MKLN1: variants seen among roughly 807,000 people sequenced by gnomAD.
MKLN1 encodes muskelin.
In MKLN1, 18 loss-of-function variants were observed where a neutral mutation model predicts 99.0. That is an observed-to-expected ratio of 0.18 (90% CI 0.13 to 0.27). MKLN1 has a LOEUF of 0.27. Ranked by LOEUF, MKLN1 falls within the 10% of genes least tolerant of loss-of-function variation. The probability of loss-of-function intolerance (pLI) is 1.00; values close to 1 mark genes in which losing one functional copy is unlikely to be tolerated. For missense variants in MKLN1, 621 were observed against 875.9 expected, an observed-to-expected ratio of 0.71 and a Z score of 3.67; for synonymous variants, 288 against 293.2, an observed-to-expected ratio of 0.98 and a Z score of 0.18.
intron 1 of MKLN1, among the ~76,000 whole-genome samples, chr7:131,118,619 G>A (rs540926133): frequency 6.6e-6 from 1 of 152,192 alleles, no homozygotes; most frequent in South Asian, 2.1e-4. Context: ...TAAGAAAATA[G>A]GTTTAATTGG....
intron 3 of MKLN1, among the ~76,000 whole-genome samples, chr7:131,271,998 A>T (rs1320879744): frequency 2.0e-5 from 3 of 151,950 alleles, no homozygotes; most frequent in Admixed American, 6.6e-5. Context: ...TTCCCCGTAC[A>T]TCTCCATGGG....
At chr7:131,287,752 C>T (rs1798154298) in intron 3 of MKLN1, among the ~76,000 whole-genome samples, 1 of 151,934 alleles carries the variant, frequency 6.6e-6, no homozygotes, top group South Asian at 2.1e-4. Flanking sequence ...AATTTTAATC[C>T]CCATAATCCC....
intron 3 of MKLN1, among the ~76,000 whole-genome samples, chr7:131,223,861 G>C (rs1002432371): frequency 6.6e-6 from 1 of 152,052 alleles, no homozygotes; most frequent in Admixed American, 6.5e-5. Context: ...CCGCCTCCTG[G>C]GTTCAAGCGA....
intron 3 of MKLN1, among the ~76,000 whole-genome samples, chr7:131,267,513 C>T (rs968527536): frequency 1.2e-4 from 18 of 152,106 alleles, no homozygotes; most frequent in African/African-American, 4.3e-4. Flanking sequence ...TTACAATGAA[C>T]AGCCAGAAGC....
At chr7:131,146,690 A>G (rs2116274070) in intron 2 of MKLN1, among the ~76,000 whole-genome samples, 1 of 152,358 alleles carries the variant, frequency 6.6e-6, no homozygotes, top group South Asian at 2.1e-4. Context: ...TGCCTGAAGA[A>G]AAGCACATTT....
chr7:131,256,256 A>G (rs937910559), intron 3 of MKLN1, among the ~76,000 whole-genome samples: 1 of 152,196 alleles, frequency 6.6e-6, no homozygotes, highest in African/African-American at 2.4e-5. Context: ...CACAGGTGAA[A>G]GAAAGGCATT....
chr7:131,155,676 CTG>C (rs2116297872), intron 2 of MKLN1, among the ~76,000 whole-genome samples: 1 of 152,298 alleles, frequency 6.6e-6, no homozygotes, highest in Non-Finnish European at 1.5e-5. Flanking sequence ...AAATCATAGA[CTG>C]TTACAGCTAG....
intron 2 of MKLN1, among the ~76,000 whole-genome samples, chr7:131,202,565 T>C (rs1006082993): frequency 3.9e-5 from 6 of 152,256 alleles, no homozygotes; most frequent in Non-Finnish European, 5.9e-5. Context: ...TTAGACCAGA[T>C]CATTCTTTGT....
intron 1 of MKLN1, among the ~76,000 whole-genome samples, chr7:131,362,377 G>T (rs1418394316): frequency 2.0e-5 from 3 of 151,818 alleles, no homozygotes; most frequent in Admixed American, 6.6e-5. Context: ...CTGTTGTAAG[G>T]TTTTTTTGAC....
At chr7:131,473,365 A>AT (rs918528403) in intron 16 of MKLN1, among the ~76,000 whole-genome samples, 9 of 149,986 alleles carry the variant, frequency 6.0e-5, no homozygotes, top group Admixed American at 2.7e-4. Flanking sequence ...TGTTTTTTAG[A>AT]TTTTTTTTTT....
intron 3 of MKLN1, among the ~76,000 whole-genome samples, chr7:131,258,301 G>A (rs528464536): frequency 6.6e-6 from 1 of 152,290 alleles, no homozygotes; most frequent in Admixed American, 6.5e-5. Context: ...GTAGAGAAAA[G>A]AGTAGATGTT....
intron 2 of MKLN1, among the ~76,000 whole-genome samples, chr7:131,376,774 C>T (rs1453698082): frequency 2.0e-5 from 3 of 151,524 alleles, no homozygotes; most frequent in Non-Finnish European, 1.5e-5. Flanking sequence ...CCTTTGAGCC[C>T]CCTCTTATAT....
intron 8 of MKLN1, among the ~76,000 whole-genome samples, chr7:131,421,670 A>G (rs1052010237): frequency 1.3e-5 from 2 of 150,626 alleles, no homozygotes; most frequent in African/African-American, 5.0e-5. Flanking sequence ...GCAGTGATTA[A>G]TTATGCTGAG....
At chr7:131,432,984 A>G (rs538833236) in intron 9 of MKLN1, among the ~76,000 whole-genome samples, 2 of 152,298 alleles carry the variant, frequency 1.3e-5, no homozygotes, top group South Asian at 2.1e-4. Flanking sequence ...CCCAGACCAC[A>G]CTGAGAACTG....
At chr7:131,212,688 C>A (rs1005143305) in intron 3 of MKLN1, among the ~76,000 whole-genome samples, 1 of 152,124 alleles carries the variant, frequency 6.6e-6, no homozygotes, top group African/African-American at 2.4e-5. Context: ...CTTTGGGAGG[C>A]CGAGGAGGGT....
chr7:131,229,028 C>T (rs1283031886), intron 3 of MKLN1, among the ~76,000 whole-genome samples: 2 of 152,082 alleles, frequency 1.3e-5, no homozygotes, highest in African/African-American at 2.4e-5. Flanking sequence ...TTTGGAGAGG[C>T]AGGGGTTACA....
At chr7:131,397,150 G>A (rs1794384552) in intron 4 of MKLN1, 117 bp from the exon 5 acceptor site, 1 of 646,732 alleles carries the variant, frequency 1.5e-6, no homozygotes, top group African/African-American at 1.8e-5. Flanking sequence ...TATAAAAGAT[G>A]CCCAGAAAAT....
At chr7:131,462,010 A>G (rs906939289) in intron 12 of MKLN1, among the ~76,000 whole-genome samples, 1 of 152,174 alleles carries the variant, frequency 6.6e-6, no homozygotes. Context: ...AAAATGGCAT[A>G]TTATACCCCA....
chr7:131,332,433 AAAAT>A (rs1279618220), intron 1 of MKLN1, among the ~76,000 whole-genome samples: 1 of 148,498 alleles, frequency 6.7e-6, no homozygotes, highest in African/African-American at 2.4e-5. Flanking sequence ...GTCTAAGAAA[AAAAT>A]AGACACTTTT....
Sources: allele counts gnomAD v4.1 joint callset (sites outside exome capture counted in the v4.1 genomes callset), GRCh38; gene constraint gnomAD v4.1.1; transcripts MANE v1.5; gene names NCBI Gene and HGNC (gene_info 2026-07-23, HGNC 2026-07-21).